Variants in DPYD observed in about 807,000 individuals in gnomAD.
The protein encoded by DPYD is dihydropyrimidine dehydrogenase.
DPYD carries 109 observed loss-of-function variants against 116.2 expected under a neutral mutation model. The ratio of observed to expected loss-of-function variants is 0.94; its 90% CI spans 0.80 to 1.10. DPYD has a LOEUF of 1.10. Among genes scored for constraint, DPYD ranks in the 50% least tolerant of loss-of-function variants. DPYD has a pLI of 0.00. For synonymous variants in DPYD, 440 were observed against 432.0 expected (o/e 1.02, Z -0.23); for missense variants, 1,302 against 1,254.5 (o/e 1.04, Z -0.57).
At chr1:97,193,669 T>C (rs940673535) in intron 19 of DPYD, among the ~76,000 whole-genome samples, 1 of 152,136 alleles carries the variant, frequency 6.6e-6, no homozygotes, top group African/African-American at 2.4e-5. Context: ...CAAACTGAGG[T>C]TGGAGTGCTG....
chr1:97,413,797 T>C (rs1264771484), intron 14 of DPYD, among the ~76,000 whole-genome samples: 1 of 152,134 alleles, frequency 6.6e-6, no homozygotes, highest in African/African-American at 2.4e-5. Context: ...CTCGTAATTA[T>C]ACCCCTAGAT....
chr1:97,255,997 G>T (rs537973641), intron 18 of DPYD, among the ~76,000 whole-genome samples: 18 of 152,062 alleles, frequency 1.2e-4, no homozygotes, highest in Admixed American at 3.3e-4. Flanking sequence ...TAGATGAAAA[G>T]AATTAATGCT....
At chr1:97,395,877 G>C (rs1009415538) in intron 14 of DPYD, among the ~76,000 whole-genome samples, 6 of 151,962 alleles carry the variant, frequency 3.9e-5, no homozygotes, top group African/African-American at 1.5e-4. Flanking sequence ...ATGACACACA[G>C]ACAAGCCATC....
At chr1:97,083,881 T>C (rs747360300) in intron 21 of DPYD, among the ~76,000 whole-genome samples, 23 of 152,154 alleles carry the variant, frequency 1.5e-4, no homozygotes, top group Non-Finnish European at 2.9e-5. Flanking sequence ...CTTGCTCCAA[T>C]ATCTCCTATC....
chr1:97,128,229 A>G (rs542239858), intron 20 of DPYD, among the ~76,000 whole-genome samples: 32 of 152,336 alleles, frequency 2.1e-4, no homozygotes, highest in African/African-American at 7.7e-4. Flanking sequence ...AAATATGTAG[A>G]GCATCATATA....
At chr1:97,272,605 T>C (rs1057314850) in intron 18 of DPYD, among the ~76,000 whole-genome samples, 5 of 152,172 alleles carry the variant, frequency 3.3e-5, no homozygotes, top group African/African-American at 1.2e-4. Flanking sequence ...CTTTCCATGG[T>C]GCTGAACACA....
intron 3 of DPYD, chr1:97,774,817 G>GTA (rs1666313369): frequency 5.9e-6 from 1 of 170,352 alleles, no homozygotes. Context: ...AAAAATTCAT[G>GTA]TATATCAGTA....
At chr1:97,181,256 G>A (rs1245890266) in intron 20 of DPYD, among the ~76,000 whole-genome samples, 2 of 151,986 alleles carry the variant, frequency 1.3e-5, no homozygotes, top group African/African-American at 4.8e-5. Context: ...ACCAAGTTGG[G>A]GAGGCTTACA....
At chr1:97,250,371 C>T (rs1294418680) in intron 18 of DPYD, among the ~76,000 whole-genome samples, 4 of 152,000 alleles carry the variant, frequency 2.6e-5, no homozygotes, top group East Asian at 1.9e-4. Context: ...ATCCTATCAC[C>T]CAGCAATTTC....
intron 3 of DPYD, among the ~76,000 whole-genome samples, chr1:97,755,742 T>A (rs1357248302): frequency 6.6e-6 from 1 of 152,212 alleles, no homozygotes; most frequent in Non-Finnish European, 1.5e-5. Flanking sequence ...GAAAGTTATT[T>A]AAATCCTTTG....
intron 11 of DPYD, among the ~76,000 whole-genome samples, chr1:97,557,317 T>G (rs1248429074): frequency 7.1e-6 from 1 of 140,606 alleles, no homozygotes; most frequent in Admixed American, 7.0e-5. Flanking sequence ...TCTTTTTTTT[T>G]TTTTTTTTTT....
chr1:97,387,918 G>A lies in DPYD; in HGVS notation c.1906-5457C>T, dbSNP rs138257195. On this transcript the variant is annotated intron_variant, in intron 14 of 22. Coordinates refer to ENST00000370192, the MANE Select transcript of DPYD (RefSeq NM_000110.4). Reference sequence around the variant, plus strand: ...TTTATTGTTGGTGTAATGGGAGGCCGCAGAAAGGTTTAAAGGAGGGTGATA... The same window carrying A: ...TTTATTGTTGGTGTAATGGGAGGCCACAGAAAGGTTTAAAGGAGGGTGATA... Among the ~76,000 whole-genome samples, 302 of 152,186 alleles carry A rather than the reference G, an allele frequency of 2.0e-3. 2 individuals are homozygous for A. Among genetic ancestry groups the A allele is most frequent in the East Asian group, 0.012 (62 of 5,158 alleles).
intron 3 of DPYD, among the ~76,000 whole-genome samples, chr1:97,781,120 C>T (rs1177789517): frequency 2.0e-5 from 3 of 152,190 alleles, no homozygotes; most frequent in Non-Finnish European, 4.4e-5. Context: ...GTCTTAGCTA[C>T]ACTGCTATGG....
Position 97,410,637 on chromosome 1 carries a change from C to A in DPYD, c.1906-28176G>T, listed in dbSNP as rs145793535. ...CATCATCTTTATATGCTCCTTTGAT[C>A]TTTCTGTAGTGTCACATTGTGAGCA... On this transcript the variant is annotated intron_variant, in intron 14 of 22. Transcript: ENST00000370192. Among the ~76,000 whole-genome samples, 867 of 152,084 alleles carry A rather than the reference C, an allele frequency of 5.7e-3. 3 individuals carry two copies. The highest frequency in any genetic ancestry group is 0.02 in the African/African-American group (829 of 41,494).
chr1:97,227,324 T>TG, intron 19 of DPYD, among the ~76,000 whole-genome samples: 1 of 79,734 alleles, frequency 1.3e-5, no homozygotes, highest in African/African-American at 6.2e-5. Context: ...AGAGTGAGAC[T>TG]CTATCTCAAA....
intron 1 of DPYD, among the ~76,000 whole-genome samples, chr1:97,900,671 C>T (rs1673324582): frequency 6.6e-6 from 1 of 151,828 alleles, no homozygotes; most frequent in Non-Finnish European, 1.5e-5. Context: ...TAATAGGTTT[C>T]TCCATTTTAA....
chr1:97,861,135 T>C (rs757298405), intron 2 of DPYD, among the ~76,000 whole-genome samples: 57 of 151,848 alleles, frequency 3.8e-4, no homozygotes, highest in Non-Finnish European at 6.3e-4. Context: ...CCGCAAAAAA[T>C]AGACATAAAA....
At chr1:97,504,049 T>C (rs931086414) in intron 13 of DPYD, among the ~76,000 whole-genome samples, 7 of 151,990 alleles carry the variant, frequency 4.6e-5, no homozygotes, top group African/African-American at 9.7e-5. Flanking sequence ...CACTCCAATA[T>C]GGAAACAAAA....
chr1:97,250,262 T>A (rs1272479257), intron 18 of DPYD, among the ~76,000 whole-genome samples: 1 of 151,548 alleles, frequency 6.6e-6, no homozygotes, highest in Non-Finnish European at 1.5e-5. Context: ...AATGCAAGAC[T>A]CCATCTCAAA....
Sources: gnomAD v4.1 joint callset for allele counts (sites outside exome capture counted in the v4.1 genomes callset) on GRCh38, gnomAD v4.1.1 for gene constraint, MANE v1.5 for transcripts, NCBI Gene and HGNC (gene_info 2026-07-23, HGNC 2026-07-21) for gene names.